The following VIPAS39 variants were observed in gnomAD, a reference collection of about 807,000 sequenced individuals.
VIPAS39 encodes the protein VPS33B interacting protein, apical-basolateral polarity regulator, spe-39 homolog, also known as spermatogenesis-defective protein 39 homolog.
VIPAS39 carries 63 observed loss-of-function variants against 84.7 expected under a neutral mutation model. The observed-to-expected ratio is 0.74, with a 90% CI of 0.61 to 0.92. The LOEUF is 0.92. Among genes scored for constraint, VIPAS39 ranks in the 40% least tolerant of loss-of-function variants. The pLI, the probability that VIPAS39 is intolerant of heterozygous loss-of-function variation, is 0.00. For synonymous variants in VIPAS39, 192 were observed against 216.5 expected, an observed-to-expected ratio of 0.89 and a Z score of 0.99; for missense variants, 499 against 604.5, an observed-to-expected ratio of 0.83 and a Z score of 1.83.
At chr14:77,436,111 A>G (rs1278783618) in intron 12 of VIPAS39, among the ~76,000 whole-genome samples, 192 bp from the exon 13 acceptor site, 1 of 152,234 alleles carries the variant, frequency 6.6e-6, no homozygotes, top group Non-Finnish European at 1.5e-5. Flanking sequence ...GGTTTTGCCA[A>G]TTCAAGAGGG....
intron 12 of VIPAS39, among the ~76,000 whole-genome samples, chr14:77,437,447 T>C (rs886563198): frequency 6.6e-6 from 1 of 152,182 alleles, no homozygotes; most frequent in African/African-American, 2.4e-5. Context: ...AAAGTATTGC[T>C]ATCTTTTTAT....
chr14:77,456,388 T>C (rs951281317), intron 1 of VIPAS39, among the ~76,000 whole-genome samples: 2 of 152,226 alleles, frequency 1.3e-5, no homozygotes, highest in Admixed American at 1.3e-4. Context: ...TAGCCACAAA[T>C]GCTGAAGATG....
intron 1 of VIPAS39, 27 bp from the exon 2 acceptor site, chr14:77,454,129 C>A (rs773415797): frequency 1.9e-6 from 3 of 1,607,150 alleles, no homozygotes; most frequent in Admixed American, 1.7e-5. Context: ...ACATACATTG[C>A]CCCTTTCTGG....
At chr14:77,431,777 C>T (rs904582979) in intron 16 of VIPAS39, among the ~76,000 whole-genome samples, 8 of 152,192 alleles carry the variant, frequency 5.3e-5, no homozygotes, top group Admixed American at 2.6e-4. Context: ...CATAAAGATA[C>T]TTGCATTTCC....
At chr14:77,447,716 A>C (rs1183426498) in intron 7 of VIPAS39, among the ~76,000 whole-genome samples, 2 of 152,226 alleles carry the variant, frequency 1.3e-5, no homozygotes, top group African/African-American at 4.8e-5. Flanking sequence ...GCTGGAGTGC[A>C]GTGGCACGAT....
intron 18 of VIPAS39, 90 bp from the exon 19 acceptor site, chr14:77,428,564 G>A: frequency 9.3e-7 from 1 of 1,076,834 alleles, no homozygotes; most frequent in Non-Finnish European, 1.4e-6. Flanking sequence ...CTGGGCTCAA[G>A]CAATCCTCTC....
chr14:77,438,905 G>A (rs2078657234), intron 11 of VIPAS39, among the ~76,000 whole-genome samples: 1 of 152,146 alleles, frequency 6.6e-6, no homozygotes, highest in South Asian at 2.1e-4. Flanking sequence ...ATGTAAAAAT[G>A]TAAATAACAT....
chr14:77,435,053 A>G (rs2078585430), intron 14 of VIPAS39: 2 of 664,100 alleles, frequency 3.0e-6, no homozygotes, highest in South Asian at 3.7e-5. Flanking sequence ...ATGCCAGCTC[A>G]CTTGAAGCTA....
rs201273507 is a variant in VIPAS39, at chr14:77,428,467, C to T, written c.1364G>A (p.Arg455Gln). The change falls in exon 19 of 20, where the codon CGG becomes CAG. Residue 455 changes from arginine (R) to glutamine (Q), a missense_variant. Transcript: ENST00000557658. ...CAACTGTTGACGATCCTTCAGGTCCCGGTAGGTCTGTGCATCAAAACAAAC... is the reference window on the plus strand; with the variant it reads ...CAACTGTTGACGATCCTTCAGGTCCTGGTAGGTCTGTGCATCAAAACAAAC... The part of the protein sequence containing the change: ...KCHDVVIDTY[R>Q]DLKDRQQLLA... 1.9e-5 allele frequency: 31 copies of T among 1,613,764 alleles called. No individual in the cohort carries two copies. The highest frequency in any genetic ancestry group is 6.6e-5 in the South Asian group (6 of 91,048).
At chr14:77,457,094 C>T in intron 1 of VIPAS39, 1 of 1,405,018 alleles carries the variant, frequency 7.1e-7, no homozygotes, top group Non-Finnish European at 9.2e-7. Context: ...AAACCACCTA[C>T]TGAGAAGTCA....
At chr14:77,445,629 G>A (rs115919229) in intron 7 of VIPAS39, among the ~76,000 whole-genome samples, 1 of 151,948 alleles carries the variant, frequency 6.6e-6, no homozygotes, top group Non-Finnish European at 1.5e-5. Flanking sequence ...TATATTGCCA[G>A]GTTTAATAAA....
In VIPAS39 at chr14:77,443,130, G is replaced by A. The variant is rs748556055; in HGVS notation, c.620C>T (p.Thr207Ile). 6.2e-7 allele frequency: 1 copy of A among 1,614,172 alleles called. No individual in the cohort carries two copies. Among genetic ancestry groups the A allele is most frequent in the South Asian group, 1.1e-5 (1 of 91,086 alleles). The change falls in exon 9 of 20, where the codon ACA becomes ATA. Residue 207 changes from threonine (T) to isoleucine (I), a missense_variant. By Grantham distance (89) the Thr-to-Ile change is moderately conservative. Coordinates refer to ENST00000557658, the MANE Select transcript of VIPAS39 (RefSeq NM_001193315.2). ...CAAGCCATTCTCACCTTTGCTCAGTGTCCTCTTCAGGAAAATCAGAACCTA... is the reference window on the plus strand; with the variant it reads ...CAAGCCATTCTCACCTTTGCTCAGTATCCTCTTCAGGAAAATCAGAACCTA... ...ITAVLIFLKR[T>I]LSKEILFREL...
At chr14:77,453,222 A>C in intron 3 of VIPAS39, 77 bp downstream of exon 3, 1 of 1,421,536 alleles carries the variant, frequency 7.0e-7, no homozygotes, top group Non-Finnish European at 1.0e-6. Flanking sequence ...CTAGCATTGA[A>C]GAAACAAACA....
At chr14:77,441,448 T>C (rs540348327) in intron 10 of VIPAS39, among the ~76,000 whole-genome samples, 234 of 152,322 alleles carry the variant, frequency 1.5e-3, no homozygotes, top group South Asian at 6.6e-3. Flanking sequence ...TATTGTTCTT[T>C]ACTGTTTTCA....
At chr14:77,451,682 C>T (rs2078884209) in intron 3 of VIPAS39, among the ~76,000 whole-genome samples, 1 of 152,078 alleles carries the variant, frequency 6.6e-6, no homozygotes, top group African/African-American at 2.4e-5. Context: ...TGTCTCACGT[C>T]AGCCTCAACT....
At position 77,442,666 on chromosome 14, in the gene VIPAS39, TCAGA is replaced by T. The variant is rs2078721575; in HGVS notation, c.632-8_632-5del. ...TCCAGCTCTCGGAAGAGGATCTCTGTCAGACAGTCAGGAGTTAAGTTGAGAAAGA... is the reference window on the plus strand; with the variant it reads ...TCCAGCTCTCGGAAGAGGATCTCTGTCAGTCAGGAGTTAAGTTGAGAAAGA... On this transcript the variant is annotated splice_region_variant and splice_polypyrimidine_tract_variant and intron_variant, in intron 9 of 19. Coordinates refer to ENST00000557658, the MANE Select transcript of VIPAS39 (RefSeq NM_001193315.2). The T allele has an allele frequency of 2.5e-6, 4 of 1,613,754 alleles. No individual in the cohort carries two copies. In the Admixed American group the frequency reaches 5.0e-5, roughly 20 times the overall value.
chr14:77,453,508 C>T (rs921380583), intron 2 of VIPAS39, 107 bp from the exon 3 acceptor site: 4 of 1,041,568 alleles, frequency 3.8e-6, no homozygotes, highest in South Asian at 1.3e-5. Flanking sequence ...GGCCAACACT[C>T]GCCCTGTGCA....
intron 10 of VIPAS39, 33 bp downstream of exon 10, chr14:77,442,527 C>G (rs765276366): frequency 4.1e-5 from 64 of 1,573,438 alleles, no homozygotes; most frequent in Non-Finnish European, 5.4e-5. Context: ...CAAGTACTTA[C>G]TAAACTTTAT....
rs907741425 is a variant in VIPAS39 at position 77,427,428 on chromosome 14, C to T, written c.*188G>A. 1 of 653,454 alleles carries T rather than the reference C, an allele frequency of 1.5e-6. No homozygotes were observed. Among genetic ancestry groups the T allele is most frequent in the Non-Finnish European group, 2.7e-6 (1 of 376,752 alleles). 40.5% of individuals were successfully genotyped at this position (653,454 alleles called of 1,614,324 possible). On this transcript the variant is annotated 3_prime_UTR_variant, in exon 20 of 20. Transcript: ENST00000557658. ...TCTCATGACTCAAAGCTTTAGATCT[C>T]GATCCTCAGATGATGTTCCTTGGAC...
Sources: allele counts gnomAD v4.1 joint callset (sites outside exome capture counted in the v4.1 genomes callset), GRCh38; gene constraint gnomAD v4.1.1; transcripts MANE v1.5; gene names NCBI Gene and HGNC (gene_info 2026-07-23, HGNC 2026-07-21).